The following LYAR variants were observed in gnomAD, a reference collection of about 807,000 sequenced individuals.
LYAR encodes the protein cell growth-regulating nucleolar protein.
In LYAR, 37 loss-of-function variants were observed where a neutral mutation model predicts 45.2. That is an observed-to-expected ratio of 0.82 (90% CI 0.63 to 1.08). The LOEUF (loss-of-function observed/expected upper bound fraction) is 1.08. Among genes scored for constraint, LYAR ranks in the 50% least tolerant of loss-of-function variants. The probability of loss-of-function intolerance (pLI) is 0.00; values close to 1 mark genes in which losing one functional copy is unlikely to be tolerated. For synonymous variants in LYAR, 176 were observed against 155.1 expected (o/e 1.14, Z -1.00); for missense variants, 493 against 451.0 (o/e 1.09, Z -0.84).
At chr4:4,283,017 C>T (rs1719462861) in intron 3 of LYAR, among the ~76,000 whole-genome samples, 2 of 152,194 alleles carry the variant, frequency 1.3e-5, no homozygotes, top group Non-Finnish European at 2.9e-5. Flanking sequence ...GCAGTTAGTT[C>T]CCTGGGTCTG....
intron 5 of LYAR, 36 bp from the exon 6 acceptor site, chr4:4,279,566 C>T: frequency 6.4e-7 from 1 of 1,566,444 alleles, no homozygotes; most frequent in Non-Finnish European, 8.8e-7. Flanking sequence ...CTATTGATCC[C>T]ACTTGGACAG....
In LYAR at chr4:4,279,475, C is replaced by T; in HGVS notation, c.401G>A (p.Trp134Ter). 1 of 1,612,910 alleles carries T rather than the reference C, an allele frequency of 6.2e-7. No homozygotes were observed. Among genetic ancestry groups the T allele is most frequent in the Non-Finnish European group, 8.5e-7 (1 of 1,179,050 alleles). ...VHNESILDQV[W>*]NIFSEASNSE... ...GTTGGAAGCTTCAGAAAAGATATTC[C>T]ACACCTGGTCCAGAATGGATTCATT... is the stretch of plus-strand genomic sequence containing the variant. Residue 134 changes from tryptophan to a stop codon, truncating the protein, a stop_gained, in exon 6 of 10, where the codon TGG becomes TAG. Transcript: ENST00000343470. LOFTEE classifies it high-confidence loss of function.
At chr4:4,273,791 G>GC in intron 7 of LYAR, 122 bp from the exon 8 acceptor site, 1 of 608,598 alleles carries the variant, frequency 1.6e-6, no homozygotes, top group Admixed American at 2.8e-5. Context: ...TCTCCAAGCT[G>GC]CCCAGCCCCG....
At chr4:4,287,652 AGTG>A (rs773003064) in intron 1 of LYAR, among the ~76,000 whole-genome samples, 1 of 152,188 alleles carries the variant, frequency 6.6e-6, no homozygotes, top group Non-Finnish European at 1.5e-5. Flanking sequence ...AGTCACAGTA[AGTG>A]GCAGAGGTGG....
In LYAR at chr4:4,281,804, G is replaced by T; in HGVS notation, c.216C>A (p.Ile72=). The change falls in exon 4 of 10, where the codon ATC becomes ATA. Residue 72 remains isoleucine, a synonymous_variant. Coordinates refer to ENST00000343470, the MANE Select transcript of LYAR (RefSeq NM_017816.3). ...GYEGKTHKGD[I]KQQAWIQKIS... ...TTACCTGAATCCACGCCTGCTGTTT[G>T]ATGTCGCCTTTGTGGGTTTTACCTT... 6.2e-7 allele frequency: 1 copy of T among 1,613,982 alleles called. No homozygotes were observed. Among genetic ancestry groups the T allele is most frequent in the Non-Finnish European group, 8.5e-7 (1 of 1,179,814 alleles).
chr4:4,276,189 G>A (rs978718640), intron 6 of LYAR, among the ~76,000 whole-genome samples: 29 of 152,184 alleles, frequency 1.9e-4, no homozygotes, highest in African/African-American at 7.0e-4. Flanking sequence ...GCTTCCAGGT[G>A]TGAGAAACCA....
chr4:4,282,681 G>A (rs2916442), intron 3 of LYAR, among the ~76,000 whole-genome samples: 53 of 152,294 alleles, frequency 3.5e-4, no homozygotes, highest in African/African-American at 1.1e-3. Flanking sequence ...AAATTCAAGA[G>A]GGGAGCCCTC....
Position 4,274,673 on chromosome 4 carries a change from C to T in LYAR, c.526G>A (p.Asp176Asn), listed in dbSNP as rs2108841468. Residue 176 changes from aspartate to asparagine, a missense_variant, in exon 7 of 10, where the codon GAC becomes AAC. Asp to Asn is a conservative substitution (Grantham distance 23). Transcript: ENST00000343470. Reference sequence around the variant, plus strand: ...ACCTCCCCTTGCTGTTCCACGGCGTCTTTCACTTTGGAGGCTGGAACCTTG... The same window carrying T: ...ACCTCCCCTTGCTGTTCCACGGCGTTTTTCACTTTGGAGGCTGGAACCTTG... ...STKVPASKVK[D>N]AVEQQGEVKK... The T allele has an allele frequency of 6.2e-7, 1 of 1,614,140 alleles. No individual in the cohort carries two copies. The highest frequency in any genetic ancestry group is 8.5e-7 in the Non-Finnish European group (1 of 1,180,036).
At chr4:4,281,662 T>C in intron 4 of LYAR, 121 bp downstream of exon 4, 1 of 752,536 alleles carries the variant, frequency 1.3e-6, no homozygotes, top group Non-Finnish European at 2.3e-6. Flanking sequence ...CTGTCTATCC[T>C]AGGACATGAG....
intron 8 of LYAR, among the ~76,000 whole-genome samples, chr4:4,272,602 A>G (rs1718979879): frequency 6.6e-6 from 1 of 152,196 alleles, no homozygotes; most frequent in Non-Finnish European, 1.5e-5. Context: ...TTATTGTCCT[A>G]TCCTCACCCT....
chr4:4,281,968 C>T (rs1719412679), intron 3 of LYAR, 71 bp from the exon 4 acceptor site: 2 of 904,428 alleles, frequency 2.2e-6, no homozygotes, highest in Admixed American at 3.4e-5. Context: ...AGCATGCTGC[C>T]ACTATCTTCT....
chr4:4,275,169 A>G (rs1026185977), intron 6 of LYAR, among the ~76,000 whole-genome samples: 2 of 152,186 alleles, frequency 1.3e-5, no homozygotes, highest in Non-Finnish European at 2.9e-5. Context: ...ATTAATTCCT[A>G]GTCAGGTGAC....
At chr4:4,278,562 G>A (rs1387432726) in intron 6 of LYAR, among the ~76,000 whole-genome samples, 1 of 152,130 alleles carries the variant, frequency 6.6e-6, no homozygotes, top group African/African-American at 2.4e-5. Context: ...TTCAGAGGCT[G>A]CTGTGACCCC....
chr4:4,270,623 G>A (rs1158911726), intron 8 of LYAR, among the ~76,000 whole-genome samples: 1 of 149,288 alleles, frequency 6.7e-6, no homozygotes, highest in Non-Finnish European at 1.5e-5. Flanking sequence ...TAAAAAAAGA[G>A]AGCAGACATT....
At position 4,281,816 on chromosome 4, in the gene LYAR, G is replaced by A. The variant is rs139653868; in HGVS notation, c.204C>T (p.His68=). ...ACGCCTGCTGTTTGATGTCGCCTTT[G>A]TGGGTTTTACCTTCATAGCCTTTGC... ...YGGKGYEGKT[H]KGDIKQQAWI... is the part of the protein sequence containing the mutation. The change falls in exon 4 of 10, where the codon CAC becomes CAT. Residue 68 remains histidine, a synonymous_variant. Coordinates refer to ENST00000343470, the MANE Select transcript of LYAR (RefSeq NM_017816.3). 3.5e-3 allele frequency: 5,622 copies of A among 1,614,126 alleles called. 14 individuals are homozygous for A. Among genetic ancestry groups the A allele is most frequent in the Middle Eastern group, 5.6e-3 (34 of 6,062 alleles).
At chr4:4,277,485 A>G (rs1401187253) in intron 6 of LYAR, among the ~76,000 whole-genome samples, 1 of 152,154 alleles carries the variant, frequency 6.6e-6, no homozygotes, top group Non-Finnish European at 1.5e-5. Context: ...GGAGGCACAC[A>G]TTTACCCATC....
chr4:4,273,739 C>T (rs1719048992), intron 7 of LYAR, 70 bp from the exon 8 acceptor site: 8 of 875,254 alleles, frequency 9.1e-6, no homozygotes, highest in Non-Finnish European at 1.5e-5. Flanking sequence ...TTTAATGAGA[C>T]CTTATGCGAG....
rs763787406 is a variant in LYAR, at chr4:4,273,569, C to T, written c.919+14G>A. On this transcript the variant is annotated intron_variant, in intron 8 of 9. Transcript: ENST00000343470. ...GTGCCCAGCCGTGCTCCTCAAATGACAGCAGTGATATACCTTTTGCAGGAG... is the reference window on the plus strand; with the variant it reads ...GTGCCCAGCCGTGCTCCTCAAATGATAGCAGTGATATACCTTTTGCAGGAG... 7.5e-6 allele frequency: 12 copies of T among 1,601,160 alleles called. No homozygotes were observed. The South Asian group carries it at 9.9e-5, about 13-fold the overall frequency.
intron 8 of LYAR, among the ~76,000 whole-genome samples, chr4:4,270,841 G>A (rs1718903144): frequency 6.6e-6 from 1 of 152,200 alleles, no homozygotes; most frequent in Non-Finnish European, 1.5e-5. Flanking sequence ...AATATAAAAT[G>A]TGTACAGAGA....
Sources: allele counts gnomAD v4.1 joint callset (sites outside exome capture counted in the v4.1 genomes callset), GRCh38; gene constraint gnomAD v4.1.1; transcripts MANE v1.5; gene names NCBI Gene and HGNC (gene_info 2026-07-23, HGNC 2026-07-21).